The following SMIM23 variants were observed in gnomAD, a reference collection of about 807,000 sequenced individuals.
The protein encoded by SMIM23 is small integral membrane protein 23, also known as CTB-78H18.1.
A neutral mutation model predicts 12.8 loss-of-function variants in SMIM23; 10 were observed. That is an observed-to-expected ratio of 0.78 (90% CI 0.48 to 1.32). The LOEUF is 1.32. Ranked by LOEUF, SMIM23 falls within the 40% of genes most tolerant of loss-of-function variation. SMIM23 has a pLI of 0.00. For missense variants in SMIM23, 184 were observed against 198.2 expected (o/e 0.93, Z 0.43); for synonymous variants, 78 against 80.1 (o/e 0.97, Z 0.14).
Position 171,785,934 on chromosome 5 carries a change from G to T in SMIM23, c.63G>T (p.Leu21=), listed in dbSNP as rs774407225. The change falls in exon 1 of 4, where the codon CTG becomes CTT. Residue 21 remains leucine, a synonymous_variant. Transcript: ENST00000523047. The part of the protein sequence containing the change: ...QVAAEQVAAQ[L]LERRRGSHCD... The stretch of plus-strand genomic sequence containing the variant: ...CAGCAGAGCAGGTGGCAGCCCAGCT[G>T]CTTGAACGGAGAAGGGGCAGCCACT... 1.3e-6 allele frequency: 2 copies of T among 1,536,230 alleles called. No individual in the cohort carries two copies. Among genetic ancestry groups the T allele is most frequent in the South Asian group, 2.4e-5 (2 of 84,056 alleles).
chr5:171,784,707 C>A (rs1483628515), upstream of SMIM23, among the ~76,000 whole-genome samples: 1 of 152,140 alleles, frequency 6.6e-6, no homozygotes, highest in East Asian at 1.9e-4. Context: ...ATGAAACTTA[C>A]GTTTACCCAA....
chr5:171,775,062 G>A, the SMIM23 span, among the ~76,000 whole-genome samples: 1 of 152,160 alleles, frequency 6.6e-6, no homozygotes, highest in Non-Finnish European at 1.5e-5. Context: ...ATCCTGTCTT[G>A]AAGCCATTTC....
upstream of SMIM23, among the ~76,000 whole-genome samples, chr5:171,782,120 C>T (rs569394731): frequency 4.6e-5 from 7 of 152,206 alleles, no homozygotes; most frequent in South Asian, 4.1e-4. Flanking sequence ...CTCACTCTTT[C>T]GGTCCACCAC....
At chr5:171,773,565 G>A in the SMIM23 span, 2 of 341,010 alleles carry the variant, frequency 5.9e-6, no homozygotes, top group Admixed American at 8.6e-5. Context: ...TGCCCTCACG[G>A]GGCAGACTGA....
chr5:171,779,475 G>T (rs1390628419), upstream of SMIM23, among the ~76,000 whole-genome samples: 1 of 152,172 alleles, frequency 6.6e-6, no homozygotes, highest in Non-Finnish European at 1.5e-5. Context: ...ACTGGGTTCT[G>T]GTTTCAGGCC....
chr5:171,775,876 T>TA, the SMIM23 span, among the ~76,000 whole-genome samples: 1 of 152,060 alleles, frequency 6.6e-6, no homozygotes, highest in East Asian at 1.9e-4. Flanking sequence ...TCATTTTGTT[T>TA]TGTTTTGTTT....
Position 171,790,983 on chromosome 5 carries a change from C to T in SMIM23, c.414C>T (p.Cys138=). ...GAGAGCCACACCAGGAGGAGCACTGCTCCACATATAAAAGTCACTTGTGGG... is the reference window on the plus strand; with the variant it reads ...GAGAGCCACACCAGGAGGAGCACTGTTCCACATATAAAAGTCACTTGTGGG... ...LLGEPHQEEH[C]STYKSHLWEW... The change falls in exon 4 of 4, where the codon TGC becomes TGT. Residue 138 remains cysteine (C), a synonymous_variant. Transcript: ENST00000523047. 6.5e-7 allele frequency: 1 copy of T among 1,535,930 alleles called. No homozygotes were observed. Among genetic ancestry groups the T allele is most frequent in the Non-Finnish European group, 8.7e-7 (1 of 1,146,904 alleles).
chr5:171,786,294 A>C (rs1755816124), intron 1 of SMIM23, among the ~76,000 whole-genome samples: 1 of 152,182 alleles, frequency 6.6e-6, no homozygotes, highest in South Asian at 2.1e-4. Flanking sequence ...GAATGAACTG[A>C]TAATACTCCT....
chr5:171,790,112 A>G (rs865836315), intron 1 of SMIM23, 118 bp from the exon 2 acceptor site: 1 of 991,100 alleles, frequency 1.0e-6, no homozygotes, highest in African/African-American at 1.6e-5. Flanking sequence ...AACAAAAGTT[A>G]AACTCAAAAA....
chr5:171,788,508 A>G (rs554755092), intron 1 of SMIM23, among the ~76,000 whole-genome samples: 1 of 152,298 alleles, frequency 6.6e-6, no homozygotes, highest in Admixed American at 6.5e-5. Flanking sequence ...TATATTTTTT[A>G]AAAAGAATAA....
chr5:171,777,537 G>A (rs892631087), upstream of SMIM23, among the ~76,000 whole-genome samples: 6 of 152,188 alleles, frequency 3.9e-5, no homozygotes, highest in African/African-American at 1.4e-4. Flanking sequence ...AGCTGGCCTG[G>A]CCTCCCAGCC....
the SMIM23 span, among the ~76,000 whole-genome samples, chr5:171,773,365 C>T: frequency 3.3e-5 from 5 of 152,372 alleles, no homozygotes; most frequent in South Asian, 8.3e-4. Flanking sequence ...TGGAGATGCA[C>T]GACCTTTGAG....
At chr5:171,778,776 C>A (rs1411978775), upstream of SMIM23, among the ~76,000 whole-genome samples, 16 of 152,328 alleles carry the variant, frequency 1.1e-4, no homozygotes, top group Middle Eastern at 0.01. Flanking sequence ...AACACAGACA[C>A]CAAGAGAATT....
chr5:171,780,400 G>C (rs1202778961), upstream of SMIM23, among the ~76,000 whole-genome samples: 2 of 152,100 alleles, frequency 1.3e-5, no homozygotes, highest in East Asian at 3.9e-4. Context: ...CCAGTTCTCT[G>C]AGGGCCAGGT....
intron 1 of SMIM23, among the ~76,000 whole-genome samples, chr5:171,788,631 C>T (rs1371243623): frequency 6.6e-6 from 1 of 152,130 alleles, no homozygotes; most frequent in Non-Finnish European, 1.5e-5. Context: ...TCTTCCTTGG[C>T]AGTACAACTT....
upstream of SMIM23, among the ~76,000 whole-genome samples, chr5:171,784,020 T>C (rs1310962695): frequency 6.6e-6 from 1 of 151,992 alleles, no homozygotes; most frequent in Non-Finnish European, 1.5e-5. Context: ...GGTGGGAGGA[T>C]TGCTTGAGCC....
At chr5:171,784,716 A>C (rs1179493954), upstream of SMIM23, among the ~76,000 whole-genome samples, 3 of 152,220 alleles carry the variant, frequency 2.0e-5, no homozygotes, top group Non-Finnish European at 4.4e-5. Context: ...ACGTTTACCC[A>C]AAAACATGTA....
At chr5:171,775,251 C>T in the SMIM23 span, among the ~76,000 whole-genome samples, 2 of 152,160 alleles carry the variant, frequency 1.3e-5, no homozygotes, top group African/African-American at 4.8e-5. Context: ...CAAATGTACA[C>T]AATTGGAGAG....
chr5:171,785,955 C>T lies in SMIM23; in HGVS notation c.84C>T (p.Ser28=). 1 of 1,536,344 alleles carries T rather than the reference C, an allele frequency of 6.5e-7. No homozygotes were observed. Among genetic ancestry groups the T allele is most frequent in the Non-Finnish European group, 8.7e-7 (1 of 1,146,942 alleles). The change falls in exon 1 of 4, where the codon AGC becomes AGT. Residue 28 remains serine, a synonymous_variant. Transcript: ENST00000523047. ...AAQLLERRRG[S]HCDDEKQTLL... is the part of the protein sequence containing the mutation. ...AGCTGCTTGAACGGAGAAGGGGCAGCCACTGTGATGACGAGAAGCAGGTGA... is the reference window on the plus strand; with the variant it reads ...AGCTGCTTGAACGGAGAAGGGGCAGTCACTGTGATGACGAGAAGCAGGTGA...
Sources: gnomAD v4.1 joint callset for allele counts (sites outside exome capture counted in the v4.1 genomes callset) on GRCh38, gnomAD v4.1.1 for gene constraint, MANE v1.5 for transcripts, NCBI Gene and HGNC (gene_info 2026-07-23, HGNC 2026-07-21) for gene names.